WDR7: variants seen among roughly 807,000 people sequenced by gnomAD.
WDR7 encodes WD repeat domain 7, also known as WD repeat-containing protein 7.
In WDR7, 46 loss-of-function variants were observed where a neutral mutation model predicts 169.4. That is an observed-to-expected ratio of 0.27 (90% CI 0.21 to 0.35). The LOEUF is 0.35. Ranked by LOEUF, WDR7 falls within the 10% of genes least tolerant of loss-of-function variation. The pLI is 1.00. For synonymous variants in WDR7, 612 were observed against 666.8 expected (o/e 0.92, Z 1.27); for missense variants, 1,534 against 1,859.3 (o/e 0.83, Z 3.22).
At chr18:56,939,698 A>G (rs555993369) in intron 25 of WDR7, among the ~76,000 whole-genome samples, 2 of 152,190 alleles carry the variant, frequency 1.3e-5, no homozygotes, top group South Asian at 4.2e-4. Flanking sequence ...TACATTATAC[A>G]ATTGAGTTAG....
intron 21 of WDR7, among the ~76,000 whole-genome samples, chr18:56,905,855 A>G (rs1396206478): frequency 6.6e-6 from 1 of 151,804 alleles, no homozygotes; most frequent in Non-Finnish European, 1.5e-5. Flanking sequence ...GTACTCGGGG[A>G]AAAAAAATCA....
At chr18:56,986,635 C>A (rs1259823519) in intron 26 of WDR7, among the ~76,000 whole-genome samples, 1 of 151,990 alleles carries the variant, frequency 6.6e-6, no homozygotes, top group Admixed American at 6.6e-5. Context: ...CCCCAGACAA[C>A]AAAGTTGTCC....
chr18:56,950,406 C>T (rs897300664), intron 25 of WDR7, among the ~76,000 whole-genome samples: 4 of 152,170 alleles, frequency 2.6e-5, no homozygotes, highest in Non-Finnish European at 5.9e-5. Context: ...CCCACCATTG[C>T]TTTTGCACCA....
At chr18:56,689,351 C>T (rs1158787392) in intron 7 of WDR7, among the ~76,000 whole-genome samples, 2 of 152,198 alleles carry the variant, frequency 1.3e-5, no homozygotes, top group African/African-American at 2.4e-5. Context: ...ACCTCTGCCT[C>T]TCAGGTTCAA....
chr18:57,007,191 C>T (rs527342124), intron 26 of WDR7, among the ~76,000 whole-genome samples: 4 of 152,122 alleles, frequency 2.6e-5, no homozygotes, highest in East Asian at 3.9e-4. Context: ...ATGTTAGCCA[C>T]GATAGTCTCG....
Position 56,794,244 on chromosome 18 carries a change from C to T in WDR7, c.3190+12588C>T, listed in dbSNP as rs572905320. Among the ~76,000 whole-genome samples the T allele has an allele frequency of 2.3e-4, 34 of 149,166 alleles. No homozygotes were observed. The South Asian group carries it at 7.2e-3, about 32-fold the overall frequency. On this transcript the variant is annotated intron_variant, in intron 19 of 27. Transcript: ENST00000254442. ...CTTTTGCCCCACATTATTCCCAAAG[C>T]AGTTCTCAAATGCAATATTGCCTTA...
chr18:56,810,176 C>T (rs1340315868), intron 19 of WDR7, among the ~76,000 whole-genome samples: 1 of 152,026 alleles, frequency 6.6e-6, no homozygotes, highest in Non-Finnish European at 1.5e-5. Context: ...AGTCTTCTAC[C>T]ATAACTATAT....
rs934392489 is a variant in WDR7 at position 56,801,029 on chromosome 18, A to G, written c.3191-15002A>G. Among the ~76,000 whole-genome samples the G allele has an allele frequency of 2.0e-5, 3 of 152,052 alleles. No individual in the cohort carries two copies. In the East Asian group the frequency reaches 5.8e-4, roughly 29 times the overall value. ...CCCACATATCTAGAATTATGTCTGT[A>G]TTTGTGTGTGTCTGTATATTAAAGT... On this transcript the variant is annotated intron_variant, in intron 19 of 27. Transcript: ENST00000254442.
intron 26 of WDR7, among the ~76,000 whole-genome samples, chr18:56,984,940 G>A (rs2047692863): frequency 6.6e-6 from 1 of 152,018 alleles, no homozygotes; most frequent in Non-Finnish European, 1.5e-5. Context: ...CTCGGGCCTT[G>A]TTGTTGATTA....
chr18:56,855,943 G>T (rs2045713935), intron 20 of WDR7, among the ~76,000 whole-genome samples: 1 of 152,164 alleles, frequency 6.6e-6, no homozygotes, highest in Admixed American at 6.5e-5. Flanking sequence ...GTGTCCCAAA[G>T]AGAGGGGAAG....
At chr18:56,880,372 C>A (rs2046089584) in intron 21 of WDR7, among the ~76,000 whole-genome samples, 1 of 152,180 alleles carries the variant, frequency 6.6e-6, no homozygotes, top group South Asian at 2.1e-4. Flanking sequence ...CTTTTAAATG[C>A]TATTCTTAAA....
intron 20 of WDR7, among the ~76,000 whole-genome samples, chr18:56,853,529 A>G (rs1258896341): frequency 6.6e-6 from 1 of 152,116 alleles, no homozygotes; most frequent in African/African-American, 2.4e-5. Context: ...TTTTAAATAT[A>G]TTTCGTTTAA....
intron 21 of WDR7, among the ~76,000 whole-genome samples, chr18:56,908,890 T>C (rs1025117630): frequency 2.0e-5 from 3 of 152,164 alleles, no homozygotes; most frequent in African/African-American, 7.2e-5. Context: ...AGGATCGGAG[T>C]CCAATAAGTT....
chr18:56,681,490 G>A (rs1197453661), intron 4 of WDR7, 99 bp downstream of exon 4: 4 of 719,812 alleles, frequency 5.6e-6, no homozygotes, highest in Non-Finnish European at 8.3e-6. Context: ...ATGAAAAATG[G>A]TGGGTGGTAG....
chr18:56,938,445 AGTATT>A, intron 23 of WDR7, 83 bp from the exon 24 acceptor site: 2 of 1,472,276 alleles, frequency 1.4e-6, no homozygotes, highest in Non-Finnish European at 1.8e-6. Flanking sequence ...TTTTTTCTAT[AGTATT>A]AGAAAGTAAA....
At chr18:56,686,212 A>G (rs1247797985) in intron 6 of WDR7, among the ~76,000 whole-genome samples, 180 bp downstream of exon 6, 1 of 151,994 alleles carries the variant, frequency 6.6e-6, no homozygotes. Context: ...TGAATTTTTT[A>G]TTTACTTTTA....
chr18:56,828,690 A>C (rs2045255350), intron 20 of WDR7, among the ~76,000 whole-genome samples: 1 of 152,208 alleles, frequency 6.6e-6, no homozygotes, highest in South Asian at 2.1e-4. Flanking sequence ...TCATACTTGC[A>C]AAGGATGGTT....
At chr18:56,775,010 T>TA (rs1308504736) in intron 16 of WDR7, among the ~76,000 whole-genome samples, 2 of 152,120 alleles carry the variant, frequency 1.3e-5, no homozygotes, top group Non-Finnish European at 2.9e-5. Flanking sequence ...TATTAAGACA[T>TA]ACGCCTATTC....
chr18:56,916,172 T>G (rs1243843588), intron 21 of WDR7, among the ~76,000 whole-genome samples: 1 of 152,152 alleles, frequency 6.6e-6, no homozygotes, highest in African/African-American at 2.4e-5. Flanking sequence ...CAACGTGCAG[T>G]TTTGTTACAC....
Sources: gnomAD v4.1 joint callset for allele counts (sites outside exome capture counted in the v4.1 genomes callset) on GRCh38, gnomAD v4.1.1 for gene constraint, MANE v1.5 for transcripts, NCBI Gene and HGNC (gene_info 2026-07-23, HGNC 2026-07-21) for gene names.